RPS6KA1: variants seen among roughly 807,000 people sequenced by gnomAD.
RPS6KA1 encodes ribosomal protein S6 kinase alpha-1.
Under a neutral mutation model 91.3 loss-of-function variants are expected in RPS6KA1, and 48 were observed. The observed-to-expected ratio is 0.53, with a 90% confidence interval of 0.42 to 0.67. The LOEUF is 0.67. Among genes scored for constraint, RPS6KA1 ranks in the 30% least tolerant of loss-of-function variants. The pLI is 0.00. For missense variants in RPS6KA1, 719 were observed against 960.5 expected, an observed-to-expected ratio of 0.75 and a Z score of 3.32; for synonymous variants, 359 against 384.7, an observed-to-expected ratio of 0.93 and a Z score of 0.78.
rs2076049671 is a variant in RPS6KA1 at position 26,551,507 on chromosome 1, ACCCCACCCATCCTTCG to A, written c.388+34_388+49del. On this transcript the variant is annotated intron_variant, in intron 5 of 21. Transcript: ENST00000374168. The surrounding 1 kb of genome is among the most constrained non-coding windows in gnomAD (Gnocchi z 4.5). ...AGCTTCTGGCCCTGCCTGAGCTCCTACCCCACCCATCCTTCGCCCTTGCCTGTGGTCTGTACACTGT... is the reference window on the plus strand; with the variant it reads ...AGCTTCTGGCCCTGCCTGAGCTCCTACCCTTGCCTGTGGTCTGTACACTGT... 1 of 1,610,608 alleles carries A rather than the reference ACCCCACCCATCCTTCG, an allele frequency of 6.2e-7. No homozygotes were observed. The highest frequency in any genetic ancestry group is 1.7e-5 in the Admixed American group (1 of 59,966).
chr1:26,573,655 C>T (rs2124675816), intron 21 of RPS6KA1, among the ~76,000 whole-genome samples: 1 of 152,192 alleles, frequency 6.6e-6, no homozygotes, highest in Non-Finnish European at 1.5e-5. Flanking sequence ...TAACAGTGGG[C>T]TAGGCTGGGC....
Position 26,574,213 on chromosome 1 carries a change from A to G in RPS6KA1, c.*12A>G. ...CCACCACCCTGTGAGGCACCAGGGCATTCGGGCCACAGGGCGGTGCTAGCT... is the reference window on the plus strand; with the variant it reads ...CCACCACCCTGTGAGGCACCAGGGCGTTCGGGCCACAGGGCGGTGCTAGCT... On this transcript the variant is annotated 3_prime_UTR_variant, in exon 22 of 22. Transcript: ENST00000374168. The surrounding 1 kb of genome is among the most constrained non-coding windows in gnomAD (Gnocchi z 4.3). 6.2e-7 allele frequency: 1 copy of G among 1,614,044 alleles called. No individual in the cohort carries two copies. The highest frequency in any genetic ancestry group is 8.5e-7 in the Non-Finnish European group (1 of 1,179,988).
chr1:26,560,708 A>G lies in RPS6KA1; in HGVS notation c.1216-18A>G, dbSNP rs775087559. Reference sequence around the variant, plus strand: ...ACTCTAGAGCCAGGGGTCAGCCACAATTTTTGGTCTCCTACAGCAACTCCA... The same window carrying G: ...ACTCTAGAGCCAGGGGTCAGCCACAGTTTTTGGTCTCCTACAGCAACTCCA... On this transcript the variant is annotated intron_variant, in intron 14 of 21. Coordinates refer to ENST00000374168, the MANE Select transcript of RPS6KA1 (RefSeq NM_002953.4). 3 of 1,614,032 alleles carry G rather than the reference A, an allele frequency of 1.9e-6. No individual in the cohort carries two copies. Among genetic ancestry groups the G allele is most frequent in the African/African-American group, 1.3e-5 (1 of 75,032 alleles).
chr1:26,563,805 G>C lies in RPS6KA1; in HGVS notation c.1590+2142G>C, dbSNP rs72879017. 1.1e-4 allele frequency among the ~76,000 whole-genome samples: 17 copies of C among 152,136 alleles called. No individual in the cohort carries two copies. In the South Asian group the frequency reaches 2.3e-3, roughly 20 times the overall value. ...CATCATTATTAGCTTCAGTTTTTTG[G>C]GGGGGATGGGAATGAGGTTCAGATG... On this transcript the variant is annotated intron_variant, in intron 17 of 21. Transcript: ENST00000374168.
In RPS6KA1 at chr1:26,547,309, G is replaced by T. The variant is rs372933695; in HGVS notation, c.307+39G>T. 1,877 of 1,573,678 alleles carry T rather than the reference G, an allele frequency of 1.2e-3. 4 individuals carry two copies. Among genetic ancestry groups the T allele is most frequent in the Non-Finnish European group, 1.5e-3 (1,769 of 1,149,256 alleles). On this transcript the variant is annotated intron_variant, in intron 4 of 21. Transcript: ENST00000374168. The surrounding 1 kb of genome is among the most constrained non-coding windows in gnomAD (Gnocchi z 4.1). ...CCTCCCTGTGCAGAACCCAGGCTTG[G>T]CTGAGGGAGGCAGCCCAGACTTCAA...
intron 6 of RPS6KA1, among the ~76,000 whole-genome samples, chr1:26,552,386 C>CAA (rs1197852280): frequency 0.023 from 1,251 of 54,136 alleles, 55 homozygotes; most frequent in African/African-American, 0.065. Flanking sequence ...GACTCTGTCT[C>CAA]AAAAAAAAAA....
At chr1:26,532,627 G>C (rs1253305953) in intron 1 of RPS6KA1, among the ~76,000 whole-genome samples, 5 of 152,234 alleles carry the variant, frequency 3.3e-5, no homozygotes, top group Non-Finnish European at 7.3e-5. Flanking sequence ...GCAGTGAGCA[G>C]GGCTGCCAAT....
At position 26,546,944 on chromosome 1, in the gene RPS6KA1, C is replaced by T. The variant is rs371635262; in HGVS notation, c.186C>T (p.Phe62=). ...CTGAGAAGGCTGATCCATCCCATTT[C>T]GAGCTCCTCAAGGTTCTGGGCCAGG... ...AGSEKADPSH[F]ELLKVLGQGS... The change falls in exon 3 of 22, where the codon TTC becomes TTT. Residue 62 remains phenylalanine (F), a synonymous_variant. Transcript: ENST00000374168. The T allele has an allele frequency of 1.1e-5, 18 of 1,614,044 alleles. No individual in the cohort carries two copies. Among genetic ancestry groups the T allele is most frequent in the East Asian group, 4.5e-5 (2 of 44,888 alleles).
In RPS6KA1 at chr1:26,540,853, C is replaced by G. The variant is rs796974464; in HGVS notation, c.108+3884C>G. ...TTGCCCAGGCTGGAGTGCAATGGCA[C>G]GATCTTGGCTCACCACAACCTCCGC... On this transcript the variant is annotated intron_variant, in intron 2 of 21. Coordinates refer to ENST00000374168, the MANE Select transcript of RPS6KA1 (RefSeq NM_002953.4). The surrounding 1 kb of genome is among the most constrained non-coding windows in gnomAD (Gnocchi z 4.2). Among the ~76,000 whole-genome samples the G allele has an allele frequency of 1.3e-5, 2 of 152,162 alleles. No homozygotes were observed. The highest frequency in any genetic ancestry group is 2.9e-5 in the Non-Finnish European group (2 of 68,016).
intron 1 of RPS6KA1, among the ~76,000 whole-genome samples, chr1:26,534,705 A>G (rs944974122): frequency 1.1e-4 from 17 of 152,164 alleles, no homozygotes; most frequent in African/African-American, 4.1e-4. Context: ...TTTGATCCGC[A>G]TTTCACAGAT....
intron 1 of RPS6KA1, chr1:26,531,284 G>C (rs1018287868): frequency 6.5e-6 from 1 of 152,686 alleles, no homozygotes; most frequent in Non-Finnish European, 1.5e-5. Context: ...AGGTTCTCTC[G>C]CTGACTCACC....
intron 2 of RPS6KA1, among the ~76,000 whole-genome samples, chr1:26,538,824 A>G (rs545431042): frequency 6.6e-6 from 1 of 152,260 alleles, no homozygotes; most frequent in South Asian, 2.1e-4. Context: ...CTGCTCATCC[A>G]TCTGTTGTCC....
intron 1 of RPS6KA1, among the ~76,000 whole-genome samples, chr1:26,536,633 A>G (rs964838140): frequency 6.6e-5 from 10 of 152,234 alleles, no homozygotes; most frequent in African/African-American, 2.4e-4. Context: ...AGGAGGTGAC[A>G]TTTGAACTAA....
Position 26,555,310 on chromosome 1 carries a change from C to T in RPS6KA1, c.827+89C>T, listed in dbSNP as rs976281168. 1 of 1,283,050 alleles carries T rather than the reference C, an allele frequency of 7.8e-7. No individual in the cohort carries two copies. The highest frequency in any genetic ancestry group is 1.1e-6 in the Non-Finnish European group (1 of 896,034). 79.5% of individuals were successfully genotyped at this position (1,283,050 alleles called of 1,614,324 possible). On this transcript the variant is annotated intron_variant, in intron 10 of 21. Transcript: ENST00000374168. The surrounding 1 kb of genome is among the most constrained non-coding windows in gnomAD (Gnocchi z 4.3). Reference sequence around the variant, plus strand: ...CAGAATATTATTACCCTGTCCCTGCCTCAGCTACCCTCTCTAATGAGACTC... The same window carrying T: ...CAGAATATTATTACCCTGTCCCTGCTTCAGCTACCCTCTCTAATGAGACTC...
rs1570467139 is a variant in RPS6KA1 at position 26,572,260 on chromosome 1, G to T, written c.1914G>T (p.Gly638=). The T allele has an allele frequency of 6.2e-7, 1 of 1,613,950 alleles. No homozygotes were observed. Among genetic ancestry groups the T allele is most frequent in the Non-Finnish European group, 8.5e-7 (1 of 1,179,940 alleles). The stretch of plus-strand genomic sequence containing the variant: ...GCAGTGGGAAGTTTACCCTCAGTGG[G>T]GGAAATTGGAACACAGTTTCAGAGA... The part of the protein sequence containing the change: ...RIGSGKFTLS[G]GNWNTVSETA... Residue 638 remains glycine, a synonymous_variant, in exon 20 of 22, where the codon GGG becomes GGT. Coordinates refer to ENST00000374168, the MANE Select transcript of RPS6KA1 (RefSeq NM_002953.4).
chr1:26,556,553 C>A, intron 11 of RPS6KA1, 101 bp from the exon 12 acceptor site: 1 of 1,275,356 alleles, frequency 7.8e-7, no homozygotes, highest in Non-Finnish European at 1.1e-6. Flanking sequence ...CCCCTCTGCT[C>A]CAGCAGCTGG....
In RPS6KA1 at chr1:26,559,539, T is replaced by A. The variant is rs550142432; in HGVS notation, c.1215+602T>A. On this transcript the variant is annotated intron_variant, in intron 14 of 21. Coordinates refer to ENST00000374168, the MANE Select transcript of RPS6KA1 (RefSeq NM_002953.4). ...ACACCACCACACCCAGCTAATTTTT[T>A]TTTTTTTTTTTTGTATTTTTAGTAG... 7.9e-5 allele frequency among the ~76,000 whole-genome samples: 12 copies of A among 151,644 alleles called. No individual in the cohort carries two copies. The East Asian group carries it at 2.3e-3, about 30-fold the overall frequency.
Position 26,571,508 on chromosome 1 carries a change from C to T in RPS6KA1, c.1650C>T (p.Pro550=), listed in dbSNP as rs374126540. The change falls in exon 18 of 22, where the codon CCC becomes CCT. Residue 550 remains proline, a synonymous_variant. Coordinates refer to ENST00000374168, the MANE Select transcript of RPS6KA1 (RefSeq NM_002953.4). This position sits in a 1 kb window ranked among gnomAD's most constrained non-coding sequence, Gnocchi z 5.1. ...TGTATGTGGACGAGTCCGGGAATCC[C>T]GAGTGCCTGCGCATCTGTGACTTTG... ...NILYVDESGN[P]ECLRICDFGF... is the part of the protein sequence containing the mutation. The T allele has an allele frequency of 1.2e-5, 20 of 1,614,086 alleles. No homozygotes were observed. The highest frequency in any genetic ancestry group is 6.7e-5 in the African/African-American group (5 of 74,936).
chr1:26,549,211 G>A (rs1345342259), intron 4 of RPS6KA1, among the ~76,000 whole-genome samples: 1 of 151,464 alleles, frequency 6.6e-6, no homozygotes, highest in Admixed American at 6.6e-5. Flanking sequence ...GTTTTGCATT[G>A]TGTGTATTGC....
Sources: allele counts gnomAD v4.1 joint callset (sites outside exome capture counted in the v4.1 genomes callset), GRCh38; gene constraint gnomAD v4.1.1; non-coding constraint Gnocchi (gnomAD v3.1); transcripts MANE v1.5; gene names NCBI Gene and HGNC (gene_info 2026-07-23, HGNC 2026-07-21).